RNGTT: variants seen among roughly 807,000 people sequenced by gnomAD.
RNGTT encodes RNA guanylyltransferase and 5'-phosphatase.
A neutral mutation model predicts 79.3 loss-of-function variants in RNGTT; 33 were observed. The observed-to-expected ratio is 0.42, with a 90% CI of 0.32 to 0.56. The LOEUF (loss-of-function observed/expected upper bound fraction) is 0.56, where lower values mean the gene tolerates loss of function less well. RNGTT is among the 20% of genes least tolerant of loss of function. RNGTT has a pLI of 0.17. For missense variants in RNGTT, 497 were observed against 739.1 expected (o/e 0.67, Z 3.80); for synonymous variants, 222 against 235.9 (o/e 0.94, Z 0.54).
intron 13 of RNGTT, among the ~76,000 whole-genome samples, chr6:88,747,468 C>T (rs540042855): frequency 2.0e-5 from 3 of 152,188 alleles, no homozygotes; most frequent in East Asian, 3.9e-4. Flanking sequence ...AGAGTTAGGC[C>T]TTATACTACT....
At chr6:88,832,870 A>G (rs1451514966) in intron 11 of RNGTT, among the ~76,000 whole-genome samples, 2 of 152,232 alleles carry the variant, frequency 1.3e-5, no homozygotes, top group African/African-American at 4.8e-5. Context: ...CAAAACCACA[A>G]TGAGATACCA....
At chr6:88,949,859 G>A (rs1477534999) in intron 1 of RNGTT, among the ~76,000 whole-genome samples, 1 of 152,208 alleles carries the variant, frequency 6.6e-6, no homozygotes. Context: ...GATAATTGAT[G>A]AACATGGCTC....
intron 6 of RNGTT, among the ~76,000 whole-genome samples, chr6:88,903,761 T>C (rs1463211660): frequency 6.6e-6 from 1 of 152,198 alleles, no homozygotes; most frequent in Non-Finnish European, 1.5e-5. Context: ...AACCATAATA[T>C]ACTAGGAACC....
intron 5 of RNGTT, among the ~76,000 whole-genome samples, chr6:88,906,126 GAC>G (rs1446475729): frequency 6.6e-6 from 1 of 152,084 alleles, no homozygotes; most frequent in Non-Finnish European, 1.5e-5. Context: ...CAGCCTGGAT[GAC>G]AGAGGAAACC....
At chr6:88,962,963 C>A (rs1435419493) in intron 1 of RNGTT, among the ~76,000 whole-genome samples, 1 of 150,430 alleles carries the variant, frequency 6.6e-6, no homozygotes, top group Non-Finnish European at 1.5e-5. Flanking sequence ...ACCGCCCCTT[C>A]CCTCCTTAAC....
At chr6:88,643,274 T>G (rs1318664585) in intron 14 of RNGTT, among the ~76,000 whole-genome samples, 1 of 152,080 alleles carries the variant, frequency 6.6e-6, no homozygotes. Flanking sequence ...GTTGAATGTC[T>G]CATATAGTTT....
intron 13 of RNGTT, among the ~76,000 whole-genome samples, chr6:88,694,682 C>T (rs1775599428): frequency 6.6e-6 from 1 of 152,120 alleles, no homozygotes; most frequent in South Asian, 2.1e-4. Flanking sequence ...CACACTACTA[C>T]TAATTTCAAA....
intron 13 of RNGTT, among the ~76,000 whole-genome samples, chr6:88,723,482 A>C (rs964798066): frequency 2.6e-5 from 4 of 152,094 alleles, no homozygotes; most frequent in Non-Finnish European, 1.5e-5. Flanking sequence ...TTGCAACATT[A>C]TTTTCATACT....
At chr6:88,617,085 C>G (rs1772257534) in intron 14 of RNGTT, among the ~76,000 whole-genome samples, 1 of 152,130 alleles carries the variant, frequency 6.6e-6, no homozygotes, top group South Asian at 2.1e-4. Context: ...CTGGCTAACA[C>G]AGTGAAACCC....
intron 14 of RNGTT, 135 bp downstream of exon 14, chr6:88,678,218 A>T: frequency 7.5e-7 from 1 of 1,334,256 alleles, no homozygotes; most frequent in Non-Finnish European, 9.7e-7. Context: ...CCTGGGCTCA[A>T]GTGATCCACC....
chr6:88,683,730 G>A (rs1367741371), intron 13 of RNGTT, among the ~76,000 whole-genome samples: 1 of 152,110 alleles, frequency 6.6e-6, no homozygotes, highest in African/African-American at 2.4e-5. Context: ...AAATAAACAA[G>A]TTTGCTTGGC....
At chr6:88,798,601 G>A (rs1365784867) in intron 12 of RNGTT, among the ~76,000 whole-genome samples, 1 of 152,198 alleles carries the variant, frequency 6.6e-6, no homozygotes, top group African/African-American at 2.4e-5. Flanking sequence ...TCCCAGGAAT[G>A]CAAGGATGGG....
chr6:88,868,893 C>G (rs1340246150), intron 8 of RNGTT, among the ~76,000 whole-genome samples: 1 of 151,970 alleles, frequency 6.6e-6, no homozygotes, highest in East Asian at 1.9e-4. Flanking sequence ...TGAACATTTT[C>G]AGAAAAAAAT....
At chr6:88,933,883 GC>G (rs1784583813) in intron 2 of RNGTT, among the ~76,000 whole-genome samples, 1 of 152,174 alleles carries the variant, frequency 6.6e-6, no homozygotes, top group Non-Finnish European at 1.5e-5. Flanking sequence ...AGATCGTATA[GC>G]AGTTCTACTT....
intron 6 of RNGTT, among the ~76,000 whole-genome samples, chr6:88,900,140 A>T (rs996197886): frequency 3.9e-5 from 6 of 152,082 alleles, no homozygotes; most frequent in Non-Finnish European, 8.8e-5. Context: ...ATGCAAAAAA[A>T]AAAAAACTAT....
intron 14 of RNGTT, among the ~76,000 whole-genome samples, chr6:88,658,641 T>C (rs1774069662): frequency 6.6e-6 from 1 of 152,134 alleles, no homozygotes; most frequent in Non-Finnish European, 1.5e-5. Context: ...CCAAAGGACA[T>C]TAACATTTGA....
At chr6:88,777,854 G>A (rs1389330579) in intron 12 of RNGTT, among the ~76,000 whole-genome samples, 3 of 152,134 alleles carry the variant, frequency 2.0e-5, no homozygotes, top group Non-Finnish European at 4.4e-5. Context: ...CCAAGATGGG[G>A]AATCCTTGCC....
At chr6:88,933,068 C>G (rs570505530) in intron 2 of RNGTT, among the ~76,000 whole-genome samples, 1 of 152,256 alleles carries the variant, frequency 6.6e-6, no homozygotes, top group South Asian at 2.1e-4. Flanking sequence ...TACTCCCTCC[C>G]TCTTTCCCCC....
At chr6:88,940,261 T>C (rs1784806003) in intron 2 of RNGTT, among the ~76,000 whole-genome samples, 1 of 152,050 alleles carries the variant, frequency 6.6e-6, no homozygotes, top group African/African-American at 2.4e-5. Flanking sequence ...GTATTTTTAG[T>C]AGAGACAGGT....
Sources: allele counts gnomAD v4.1 joint callset (sites outside exome capture counted in the v4.1 genomes callset), GRCh38; gene constraint gnomAD v4.1.1; transcripts MANE v1.5; gene names NCBI Gene and HGNC (gene_info 2026-07-23, HGNC 2026-07-21).